Variants in GRIK1 observed in about 807,000 individuals in gnomAD.
GRIK1 encodes glutamate ionotropic receptor kainate type subunit 1, also known as glutamate receptor ionotropic, kainate 1.
GRIK1 carries 69 observed loss-of-function variants against 105.7 expected under a neutral mutation model. The ratio of observed to expected loss-of-function variants is 0.65; its 90% confidence interval spans 0.54 to 0.80. GRIK1 has a LOEUF of 0.80. GRIK1 is among the 30% of genes least tolerant of loss of function. The probability of loss-of-function intolerance (pLI) is 0.00; values close to 1 mark genes in which losing one functional copy is unlikely to be tolerated. For synonymous variants in GRIK1, 438 were observed against 431.3 expected (o/e 1.02, Z -0.19); for missense variants, 1,109 against 1,167.3 (o/e 0.95, Z 0.73).
At chr21:29,852,658 A>G (rs1354048436) in intron 1 of GRIK1, among the ~76,000 whole-genome samples, 1 of 152,234 alleles carries the variant, frequency 6.6e-6, no homozygotes. Flanking sequence ...CATTTAGGAA[A>G]CTTTACATTT....
At chr21:29,933,895 A>G (rs372400133) in intron 1 of GRIK1, among the ~76,000 whole-genome samples, 1 of 152,168 alleles carries the variant, frequency 6.6e-6, no homozygotes, top group Non-Finnish European at 1.5e-5. Context: ...GAACATAAAT[A>G]ATATATCCTA....
At chr21:29,846,463 G>GAGAAAGAA (rs56303585) in intron 1 of GRIK1, among the ~76,000 whole-genome samples, 2,987 of 127,866 alleles carry the variant, frequency 0.023, 69 homozygotes, top group African/African-American at 0.033. Flanking sequence ...GAAAGAGAGA[G>GAGAAAGAA]AGAAAGAAAG....
At chr21:29,781,119 C>A (rs1569085052) in intron 1 of GRIK1, among the ~76,000 whole-genome samples, 1 of 152,168 alleles carries the variant, frequency 6.6e-6, no homozygotes, top group Non-Finnish European at 1.5e-5. Context: ...TTTAAGACAT[C>A]TCTTTTATGT....
chr21:29,710,091 T>C (rs1027458201), intron 1 of GRIK1, among the ~76,000 whole-genome samples: 2 of 151,682 alleles, frequency 1.3e-5, no homozygotes, highest in Admixed American at 6.6e-5. Flanking sequence ...ATAAATATTA[T>C]TTATACTCAT....
chr21:29,767,719 T>C, intron 1 of GRIK1, among the ~76,000 whole-genome samples: 1 of 152,186 alleles, frequency 6.6e-6, no homozygotes, highest in Non-Finnish European at 1.5e-5. Context: ...TGACAGGCAA[T>C]TGAAGTAGAC....
chr21:29,548,640 C>T (rs1366588035), intron 16 of GRIK1, among the ~76,000 whole-genome samples: 1 of 152,104 alleles, frequency 6.6e-6, no homozygotes, highest in Non-Finnish European at 1.5e-5. Flanking sequence ...GGAAATAGAC[C>T]TTGTGGTATA....
chr21:29,639,797 T>C (rs2062473016), intron 7 of GRIK1, among the ~76,000 whole-genome samples: 1 of 152,226 alleles, frequency 6.6e-6, no homozygotes, highest in Non-Finnish European at 1.5e-5. Flanking sequence ...GGAGTTCCAG[T>C]AATGCTTGTT....
chr21:29,563,187 A>G (rs2090525960), intron 14 of GRIK1, among the ~76,000 whole-genome samples: 1 of 152,196 alleles, frequency 6.6e-6, no homozygotes, highest in African/African-American at 2.4e-5. Context: ...TCCGTAGTTC[A>G]GGAAAGCTTA....
intron 1 of GRIK1, among the ~76,000 whole-genome samples, chr21:29,730,045 A>G (rs953641606): frequency 2.6e-5 from 4 of 152,170 alleles, no homozygotes; most frequent in Non-Finnish European, 5.9e-5. Flanking sequence ...CAATGGTTTT[A>G]TTACTTTAAA....
chr21:29,608,623 T>C (rs1486109912), intron 7 of GRIK1, among the ~76,000 whole-genome samples: 1 of 152,178 alleles, frequency 6.6e-6, no homozygotes, highest in East Asian at 1.9e-4. Flanking sequence ...TTACCTTCTA[T>C]GTCATCGTCT....
At chr21:29,763,579 G>A (rs559728036) in intron 1 of GRIK1, 1 of 152,396 alleles carries the variant, frequency 6.6e-6, no homozygotes, top group South Asian at 2.1e-4. Flanking sequence ...TGCCCTTAGG[G>A]TATCAGAGCC....
At chr21:29,560,586 T>TTCTTTCTTTCTTTCTTTCTTTCTTTCTC (rs1568816039) in intron 15 of GRIK1, among the ~76,000 whole-genome samples, 1 of 123,726 alleles carries the variant, frequency 8.1e-6, no homozygotes, top group Non-Finnish European at 1.7e-5. Flanking sequence ...CTCTCTTTCT[T>TTCTTTCTTTCTTTCTTTCTTTCTTTCTC]TCTTTCTCTC....
rs1472288638 is a variant in GRIK1 at position 29,581,491 on chromosome 21, C to T, written c.1846G>A (p.Val616Met). The change falls in exon 13 of 18, where the codon GTG (valine) becomes ATG (methionine). Residue 616 changes from valine (V) to methionine (M), a missense_variant. Physicochemically the swap from Val to Met is conservative, Grantham distance 21. Coordinates refer to ENST00000327783, the MANE Select transcript of GRIK1 (RefSeq NM_001330994.2). Reference protein sequence around the residue: ...NPHPCNPDSDVVENNFTLLNS... With the variant: ...NPHPCNPDSDMVENNFTLLNS... ...AGTAAAGTAAAATTGTTTTCCACCACGTCTGAGTCAGGGTTGCATGGGTGG... is the reference window on the plus strand; with the variant it reads ...AGTAAAGTAAAATTGTTTTCCACCATGTCTGAGTCAGGGTTGCATGGGTGG... 3 of 1,613,290 alleles carry T rather than the reference C, an allele frequency of 1.9e-6. No homozygotes were observed. The highest frequency in any genetic ancestry group is 1.7e-4 in the Middle Eastern group (1 of 6,032).
At chr21:29,783,404 T>G (rs1360588324) in intron 1 of GRIK1, among the ~76,000 whole-genome samples, 2 of 152,186 alleles carry the variant, frequency 1.3e-5, no homozygotes, top group Non-Finnish European at 2.9e-5. Flanking sequence ...TTTTTTTGTT[T>G]GCTTTAAAAT....
intron 1 of GRIK1, among the ~76,000 whole-genome samples, chr21:29,856,214 G>A (rs902011776): frequency 3.3e-5 from 5 of 152,114 alleles, no homozygotes; most frequent in Non-Finnish European, 7.4e-5. Context: ...GAGGACCCCA[G>A]GCCCCTGGTC....
intron 16 of GRIK1, among the ~76,000 whole-genome samples, chr21:29,546,146 G>A (rs1278144905): frequency 6.6e-6 from 1 of 152,068 alleles, no homozygotes; most frequent in African/African-American, 2.4e-5. Context: ...GATGACCATG[G>A]TCCCAGTGTC....
At chr21:29,836,618 G>A (rs923148226) in intron 1 of GRIK1, among the ~76,000 whole-genome samples, 3 of 152,014 alleles carry the variant, frequency 2.0e-5, no homozygotes, top group South Asian at 2.1e-4. Flanking sequence ...TGGATATTTT[G>A]ATAAGTATAT....
chr21:29,923,149 T>C (rs940326687), intron 1 of GRIK1, among the ~76,000 whole-genome samples: 3 of 152,318 alleles, frequency 2.0e-5, no homozygotes, highest in Admixed American at 2.0e-4. Context: ...TTATGAAATA[T>C]AATGCTAATT....
intron 1 of GRIK1, among the ~76,000 whole-genome samples, chr21:29,904,633 T>C (rs1283105224): frequency 1.3e-5 from 2 of 152,194 alleles, no homozygotes; most frequent in Non-Finnish European, 2.9e-5. Flanking sequence ...TGCTAGTCTC[T>C]TTTTATCGAT....
Sources: allele counts gnomAD v4.1 joint callset (sites outside exome capture counted in the v4.1 genomes callset), GRCh38; gene constraint gnomAD v4.1.1; transcripts MANE v1.5; gene names NCBI Gene and HGNC (gene_info 2026-07-23, HGNC 2026-07-21).